The following GNA14 variants were observed in gnomAD, a reference collection of about 807,000 sequenced individuals.
GNA14 encodes G protein subunit alpha 14.
A neutral mutation model predicts 42.0 loss-of-function variants in GNA14; 50 were observed. The observed-to-expected ratio is 1.19, with a 90% CI of 0.95 to 1.51. The LOEUF is 1.51. GNA14 is among the 40% of genes most tolerant of loss of function. The pLI, the probability that GNA14 is intolerant of heterozygous loss-of-function variation, is 0.00. For missense variants in GNA14, 473 were observed against 446.2 expected, an observed-to-expected ratio of 1.06 and a Z score of -0.54; for synonymous variants, 173 against 163.1, an observed-to-expected ratio of 1.06 and a Z score of -0.46.
chr9:77,455,023 A>G (rs1346038046), intron 2 of GNA14, among the ~76,000 whole-genome samples: 1 of 152,202 alleles, frequency 6.6e-6, no homozygotes, highest in African/African-American at 2.4e-5. Context: ...ATGATCTCAA[A>G]GTTTCTGTAG....
chr9:77,491,846 C>A (rs1836782302), intron 2 of GNA14, among the ~76,000 whole-genome samples: 1 of 152,234 alleles, frequency 6.6e-6, no homozygotes, highest in Non-Finnish European at 1.5e-5. Flanking sequence ...TTTCACCCAA[C>A]TGCTGTAGAA....
intron 1 of GNA14, among the ~76,000 whole-genome samples, chr9:77,557,415 G>C (rs17724164): frequency 0.044 from 6,626 of 152,202 alleles, 155 homozygotes; most frequent in South Asian, 0.052. Flanking sequence ...AGACCACCTT[G>C]CTTTTTCCAG....
rs151338980 is a variant in GNA14, at chr9:77,608,973, G to C, written c.124+38697C>G. Among the ~76,000 whole-genome samples the C allele has an allele frequency of 3.9e-5, 6 of 152,148 alleles. No homozygotes were observed. The East Asian group carries it at 1.2e-3, about 29-fold the overall frequency. ...CTATCTCCTTATCAAATAGTGTTCA[G>C]CCACACCCTTAGTGTTCTTTTCAGA... On this transcript the variant is annotated intron_variant, in intron 1 of 6. Coordinates refer to ENST00000341700, the MANE Select transcript of GNA14 (RefSeq NM_004297.4).
rs539442723 is a variant in GNA14, at chr9:77,596,686, A to T, written c.124+50984T>A. Among the ~76,000 whole-genome samples, 16 of 152,318 alleles carry T rather than the reference A, an allele frequency of 1.1e-4. 1 individual carries two copies. The South Asian group carries it at 2.9e-3, about 28-fold the overall frequency. On this transcript the variant is annotated intron_variant, in intron 1 of 6. Coordinates refer to ENST00000341700, the MANE Select transcript of GNA14 (RefSeq NM_004297.4). ...AAAAGAAAATAAATCTTGGGCCCCC[A>T]AATCTCTCAGCTATAGGGAAAAGTC...
intron 1 of GNA14, among the ~76,000 whole-genome samples, chr9:77,581,880 T>G (rs950148030): frequency 6.6e-6 from 1 of 152,138 alleles, no homozygotes; most frequent in African/African-American, 2.4e-5. Flanking sequence ...CAAGCTTGAT[T>G]CACAGAGGAA....
At chr9:77,459,540 T>C (rs1207234048) in intron 2 of GNA14, among the ~76,000 whole-genome samples, 2 of 152,062 alleles carry the variant, frequency 1.3e-5, no homozygotes, top group Non-Finnish European at 2.9e-5. Context: ...AGGCACCGCC[T>C]CTTGCCTCAG....
chr9:77,479,782 A>C (rs1836508177), intron 2 of GNA14, among the ~76,000 whole-genome samples: 3 of 152,000 alleles, frequency 2.0e-5, no homozygotes, highest in Non-Finnish European at 4.4e-5. Context: ...TGTAAGTTGG[A>C]TTCCTAGGTA....
chr9:77,475,279 T>C (rs1379280724), intron 2 of GNA14, among the ~76,000 whole-genome samples: 3 of 152,148 alleles, frequency 2.0e-5, no homozygotes, highest in African/African-American at 7.2e-5. Flanking sequence ...CAACTGGTAA[T>C]CACCTACGCC....
rs12348620 is a variant in GNA14 at position 77,460,363 on chromosome 9, G to A, written c.310-25841C>T. ...GGGTTGCCGGCCACCAGCAGCAGCTGGGAGAGAGGCATGGAAAAGATTCTC... is the reference window on the plus strand; with the variant it reads ...GGGTTGCCGGCCACCAGCAGCAGCTAGGAGAGAGGCATGGAAAAGATTCTC... On this transcript the variant is annotated intron_variant, in intron 2 of 6. Coordinates refer to ENST00000341700, the MANE Select transcript of GNA14 (RefSeq NM_004297.4). Among the ~76,000 whole-genome samples, 763 of 152,334 alleles carry A rather than the reference G, an allele frequency of 5.0e-3. 9 individuals are homozygous for A. Among genetic ancestry groups the A allele is most frequent in the African/African-American group, 0.018 (732 of 41,578 alleles).
At chr9:77,615,928 T>TTTG (rs147640630) in intron 1 of GNA14, among the ~76,000 whole-genome samples, 126 of 151,546 alleles carry the variant, frequency 8.3e-4, no homozygotes, top group African/African-American at 1.5e-3. Flanking sequence ...GAGCAAGATT[T>TTTG]TTGTTGTTGT....
intron 1 of GNA14, among the ~76,000 whole-genome samples, chr9:77,531,678 C>T (rs556527151): frequency 6.6e-6 from 1 of 152,072 alleles, no homozygotes; most frequent in African/African-American, 2.4e-5. Flanking sequence ...GTCCTGAAGC[C>T]AGAAAAATCA....
intron 1 of GNA14, among the ~76,000 whole-genome samples, chr9:77,552,363 T>G (rs985535442): frequency 6.6e-6 from 1 of 152,086 alleles, no homozygotes; most frequent in Non-Finnish European, 1.5e-5. Flanking sequence ...TAATGAGAGA[T>G]AACATGCTCC....
At chr9:77,576,873 A>C (rs1564057714) in intron 1 of GNA14, among the ~76,000 whole-genome samples, 3 of 152,168 alleles carry the variant, frequency 2.0e-5, no homozygotes, top group Non-Finnish European at 2.9e-5. Flanking sequence ...TAAATGACAT[A>C]CGACATTATG....
At chr9:77,504,869 C>T (rs191277303) in intron 2 of GNA14, among the ~76,000 whole-genome samples, 53 of 151,878 alleles carry the variant, frequency 3.5e-4, no homozygotes, top group African/African-American at 1.2e-3. Context: ...GGTTTCATCA[C>T]GTTGGGCAGG....
chr9:77,601,817 G>A (rs1019538560), intron 1 of GNA14, among the ~76,000 whole-genome samples: 3 of 152,156 alleles, frequency 2.0e-5, no homozygotes, highest in Non-Finnish European at 2.9e-5. Flanking sequence ...TTCATTCATT[G>A]GATGATACTG....
At chr9:77,425,857 G>T in intron 5 of GNA14, 142 bp from the exon 6 acceptor site, 1 of 676,714 alleles carries the variant, frequency 1.5e-6, no homozygotes, top group Non-Finnish European at 2.5e-6. Context: ...TGAGCATGTG[G>T]GGCCCCAGGC....
chr9:77,624,608 G>A (rs527804984), intron 1 of GNA14, among the ~76,000 whole-genome samples: 19 of 152,256 alleles, frequency 1.2e-4, no homozygotes, highest in African/African-American at 3.4e-4. Flanking sequence ...TGCCGCCTCC[G>A]CTGGTGATAC....
At chr9:77,528,501 G>A (rs1837476565) in intron 2 of GNA14, among the ~76,000 whole-genome samples, 1 of 151,926 alleles carries the variant, frequency 6.6e-6, no homozygotes, top group Non-Finnish European at 1.5e-5. Context: ...TAAGTAACTG[G>A]TGGTGAGGGG....
intron 2 of GNA14, among the ~76,000 whole-genome samples, chr9:77,459,319 G>A (rs1236241654): frequency 6.6e-6 from 1 of 152,146 alleles, no homozygotes; most frequent in African/African-American, 2.4e-5. Flanking sequence ...AACATAAGGA[G>A]CAGGGGGATT....
Sources: gnomAD v4.1 joint callset for allele counts (sites outside exome capture counted in the v4.1 genomes callset) on GRCh38, gnomAD v4.1.1 for gene constraint, MANE v1.5 for transcripts, NCBI Gene and HGNC (gene_info 2026-07-23, HGNC 2026-07-21) for gene names.